PABPC4L: variants seen among roughly 807,000 people sequenced by gnomAD.
The protein encoded by PABPC4L is polyadenylate-binding protein 4-like.
For synonymous variants in PABPC4L, 169 were observed against 164.1 expected (o/e 1.03, Z -0.23); for missense variants, 452 against 451.4 (o/e 1.00, Z -0.01).
rs766536220 is a variant in PABPC4L at position 134,200,540 on chromosome 4, T to G, written c.480A>C (p.Lys160Asn). 2 of 1,551,642 alleles carry G rather than the reference T, an allele frequency of 1.3e-6. No individual in the cohort carries two copies. The highest frequency in any genetic ancestry group is 1.7e-6 in the Non-Finnish European group (2 of 1,146,976). ...CAAACACCTTGCAGCCCTTGAGTAGTTTTCCATTCATCTCCTCAATGGCCC... is the reference window on the plus strand; with the variant it reads ...CAAACACCTTGCAGCCCTTGAGTAGGTTTCCATTCATCTCCTCAATGGCCC... ...ADRAIEEMNG[K>N]LLKGCKVFVG... Residue 160 changes from lysine to asparagine, a missense_variant, in exon 2 of 2, where the codon AAA (lysine) becomes AAC (asparagine). By Grantham distance (94) the Lys-to-Asn change is moderately conservative (BLOSUM62 0). Transcript: ENST00000421491.
chr4:133,994,940 C>T, the PABPC4L span, among the ~76,000 whole-genome samples: 402 of 152,268 alleles, frequency 2.6e-3, 4 homozygotes, highest in South Asian at 0.015. Context: ...CCCCAGATCC[C>T]GGTTGCAACC....
the PABPC4L span, among the ~76,000 whole-genome samples, chr4:134,158,381 G>C: frequency 6.6e-6 from 1 of 151,864 alleles, no homozygotes; most frequent in Non-Finnish European, 1.5e-5. Context: ...AAGCTCAATT[G>C]TTTTTATATT....
the PABPC4L span, among the ~76,000 whole-genome samples, chr4:134,084,550 A>T: frequency 6.6e-6 from 1 of 152,164 alleles, no homozygotes; most frequent in Non-Finnish European, 1.5e-5. Context: ...AAGTGACATT[A>T]TATGCAATTT....
the PABPC4L span, among the ~76,000 whole-genome samples, chr4:133,967,227 T>C: frequency 6.6e-6 from 1 of 151,972 alleles, no homozygotes; most frequent in Non-Finnish European, 1.5e-5. Flanking sequence ...ATCCCAGCAG[T>C]TTGGAGGCCC....
chr4:133,997,088 C>G, the PABPC4L span, among the ~76,000 whole-genome samples: 1 of 152,100 alleles, frequency 6.6e-6, no homozygotes, highest in African/African-American at 2.4e-5. Flanking sequence ...TTTTTCCCAC[C>G]ACCCTGACCA....
At chr4:134,159,679 C>T in the PABPC4L span, among the ~76,000 whole-genome samples, 1,143 of 152,168 alleles carry the variant, frequency 7.5e-3, 18 homozygotes, top group African/African-American at 0.026. Flanking sequence ...TGGCCAGGGG[C>T]CCCAAATAAA....
chr4:134,050,706 CAA>C, the PABPC4L span, among the ~76,000 whole-genome samples: 58 of 82,982 alleles, frequency 7.0e-4, no homozygotes, highest in Middle Eastern at 6.1e-3. Flanking sequence ...CACCGTCTCC[CAA>C]AAAAAAAAAA....
At chr4:134,024,498 T>A in the PABPC4L span, among the ~76,000 whole-genome samples, 2 of 152,252 alleles carry the variant, frequency 1.3e-5, no homozygotes, top group Non-Finnish European at 2.9e-5. Context: ...CTTCTGCCAA[T>A]GTTCATGGGT....
At chr4:134,137,797 C>A in the PABPC4L span, among the ~76,000 whole-genome samples, 5 of 151,820 alleles carry the variant, frequency 3.3e-5, no homozygotes, top group African/African-American at 1.2e-4. Context: ...AGAATTCCAA[C>A]CCTGTCCTTC....
At chr4:133,972,399 T>C in the PABPC4L span, among the ~76,000 whole-genome samples, 3 of 152,170 alleles carry the variant, frequency 2.0e-5, no homozygotes, top group Non-Finnish European at 4.4e-5. Context: ...AATACTGTTA[T>C]GTGTCACACA....
chr4:134,008,671 G>C, the PABPC4L span, among the ~76,000 whole-genome samples: 131 of 151,850 alleles, frequency 8.6e-4, no homozygotes, highest in African/African-American at 3.1e-3. Context: ...TTTGACAGTG[G>C]GAATTGGTAC....
the PABPC4L span, among the ~76,000 whole-genome samples, chr4:133,951,488 T>A: frequency 6.6e-6 from 1 of 152,070 alleles, no homozygotes; most frequent in African/African-American, 2.4e-5. Context: ...AGATTTCGAC[T>A]CTCCTCTACC....
the PABPC4L span, among the ~76,000 whole-genome samples, chr4:134,126,954 T>C: frequency 1.1e-4 from 17 of 152,120 alleles, no homozygotes; most frequent in Non-Finnish European, 7.4e-5. Flanking sequence ...GGTGTGAGAC[T>C]GGCCTTTCTG....
At chr4:134,133,603 C>T in the PABPC4L span, among the ~76,000 whole-genome samples, 3 of 151,288 alleles carry the variant, frequency 2.0e-5, no homozygotes, top group East Asian at 3.9e-4. Flanking sequence ...TCATCAACGT[C>T]GTATGTTCTC....
chr4:134,123,824 A>T, the PABPC4L span, among the ~76,000 whole-genome samples: 1 of 152,034 alleles, frequency 6.6e-6, no homozygotes, highest in Non-Finnish European at 1.5e-5. Flanking sequence ...CTTAAAAAAA[A>T]AAAGAAACTG....
the PABPC4L span, among the ~76,000 whole-genome samples, chr4:134,015,980 C>A: frequency 2.0e-5 from 3 of 152,250 alleles, no homozygotes; most frequent in South Asian, 2.1e-4. Context: ...TTTGTTGAGT[C>A]TCCCACATTA....
the PABPC4L span, among the ~76,000 whole-genome samples, chr4:134,122,853 G>C: frequency 6.6e-6 from 1 of 151,486 alleles, no homozygotes; most frequent in Non-Finnish European, 1.5e-5. Context: ...TATAGTTTAA[G>C]GTGTTTTGTT....
chr4:134,103,963 G>A, the PABPC4L span, among the ~76,000 whole-genome samples: 3 of 151,550 alleles, frequency 2.0e-5, no homozygotes, highest in Non-Finnish European at 3.0e-5. Context: ...AGTTTTTCTA[G>A]GATCACCTAT....
the PABPC4L span, among the ~76,000 whole-genome samples, chr4:134,162,225 C>A: frequency 3.3e-5 from 5 of 152,108 alleles, no homozygotes; most frequent in East Asian, 7.7e-4. Context: ...AGTAATAAGT[C>A]CTTCCCTAGC....
Sources: gnomAD v4.1 joint callset for allele counts (sites outside exome capture counted in the v4.1 genomes callset) on GRCh38, gnomAD v4.1.1 for gene constraint, MANE v1.5 for transcripts, NCBI Gene and HGNC (gene_info 2026-07-23, HGNC 2026-07-21) for gene names.